Variants in PIEZO2 observed in about 807,000 individuals in gnomAD.
PIEZO2 encodes the protein piezo type mechanosensitive ion channel component 2, also known as piezo-type mechanosensitive ion channel component 2.
In PIEZO2, 172 loss-of-function variants were observed where a neutral mutation model predicts 337.3. That is an observed-to-expected ratio of 0.51 (90% CI 0.45 to 0.58). The LOEUF (loss-of-function observed/expected upper bound fraction) is 0.58, where lower values mean the gene tolerates loss of function less well. Among genes scored for constraint, PIEZO2 ranks in the 20% least tolerant of loss-of-function variants. PIEZO2 has a pLI of 0.00. For synonymous variants in PIEZO2, 1,251 were observed against 1,228.5 expected (o/e 1.02, Z -0.38); for missense variants, 3,028 against 3,391.3 (o/e 0.89, Z 2.66).
intron 3 of PIEZO2, among the ~76,000 whole-genome samples, chr18:10,926,252 G>A (rs897451956): frequency 8.5e-5 from 13 of 152,166 alleles, no homozygotes; most frequent in African/African-American, 2.9e-4. Flanking sequence ...GCAGCTGCTC[G>A]GGATCTCTAC....
At position 10,855,426 on chromosome 18, in the gene PIEZO2, G is replaced by T. The variant is rs1295793985; in HGVS notation, c.844C>A (p.His282Asn). 1 of 1,537,134 alleles carries T rather than the reference G, an allele frequency of 6.5e-7. No homozygotes were observed. The highest frequency in any genetic ancestry group is 8.7e-7 in the Non-Finnish European group (1 of 1,146,854). ...CVLLAIFTAG[H>N]LIGLYLYQFQ... ...TGGTATAAATAAAGTCCAATCAAAT[G>T]TCCAGCAGTGAAAATAGCCAGCAGA... Residue 282 changes from histidine (H) to asparagine (N), a missense_variant, in exon 7 of 56, where the codon CAT becomes AAT. By Grantham distance (68) the His-to-Asn change is moderately conservative (BLOSUM62 1). Around this residue, in one of 5 missense-constraint regions of PIEZO2, gnomAD observed 542 missense variants for 605.6 expected, o/e 0.89. Transcript: ENST00000674853. The surrounding 1 kb of genome is among the most constrained non-coding windows in gnomAD (Gnocchi z 4.9).
chr18:11,081,724 G>T (rs939730435), intron 1 of PIEZO2, among the ~76,000 whole-genome samples: 4 of 151,424 alleles, frequency 2.6e-5, no homozygotes, highest in African/African-American at 9.7e-5. Context: ...TTTCCCACTG[G>T]CCATTTGAAA....
chr18:11,011,625 C>T (rs576587311), intron 2 of PIEZO2, among the ~76,000 whole-genome samples: 44 of 152,120 alleles, frequency 2.9e-4, no homozygotes, highest in Non-Finnish European at 5.4e-4. Context: ...TTACAATGCT[C>T]TTTTATATCT....
intron 4 of PIEZO2, among the ~76,000 whole-genome samples, chr18:10,884,100 C>T (rs908399607): frequency 3.3e-5 from 5 of 152,036 alleles, no homozygotes; most frequent in Non-Finnish European, 4.4e-5. Flanking sequence ...CGTAAGCCAC[C>T]GCAACTGGCC....
chr18:10,956,176 T>C (rs867753687), intron 3 of PIEZO2, among the ~76,000 whole-genome samples: 3 of 152,198 alleles, frequency 2.0e-5, no homozygotes, highest in African/African-American at 7.2e-5. Flanking sequence ...GTCAATAGCC[T>C]AATAATAATA....
intron 15 of PIEZO2, among the ~76,000 whole-genome samples, chr18:10,788,428 AAGGAAGGAAGG>A (rs1438996058): frequency 2.4e-4 from 5 of 21,026 alleles, no homozygotes; most frequent in Non-Finnish European, 3.7e-4. Flanking sequence ...AAAAGAAAGA[AAGGAAGGAAGG>A]AAGGAAGGAA....
intron 39 of PIEZO2, among the ~76,000 whole-genome samples, 168 bp downstream of exon 39, chr18:10,714,596 G>A (rs1302474248): frequency 6.6e-6 from 1 of 152,176 alleles, no homozygotes; most frequent in Non-Finnish European, 1.5e-5. Context: ...TCTAGGTGAG[G>A]ACAATGTTCC....
At chr18:11,030,971 A>G (rs2036714788) in intron 2 of PIEZO2, among the ~76,000 whole-genome samples, 1 of 150,542 alleles carries the variant, frequency 6.6e-6, no homozygotes, top group Non-Finnish European at 1.5e-5. Context: ...CTTCAATGCA[A>G]TGAAGTTGCT....
rs2037200894 is a variant in PIEZO2, at chr18:10,741,065, C to CT, written c.4673dup (p.Gln1559AlafsTer8). The stretch of plus-strand genomic sequence containing the variant: ...GATCAACCCAAGGCCGCCACCACTG[C>CT]TTTTTTTTGCCCTTGGCTTTCTGTT... On this transcript the variant is annotated frameshift_variant, in exon 33 of 56. Coordinates refer to ENST00000674853, the MANE Select transcript of PIEZO2 (RefSeq NM_001378183.1). LOFTEE classifies it high-confidence loss of function. The CT allele has an allele frequency of 7.2e-6, 11 of 1,535,820 alleles. No homozygotes were observed. Among genetic ancestry groups the CT allele is most frequent in the South Asian group, 6.0e-5 (5 of 83,890 alleles).
rs1375686140 is a variant in PIEZO2 at position 11,105,340 on chromosome 18, A to G, written c.65-39118T>C. Among the ~76,000 whole-genome samples the G allele has an allele frequency of 2.0e-5, 3 of 152,204 alleles. No homozygotes were observed. The highest frequency in any genetic ancestry group is 4.4e-5 in the Non-Finnish European group (3 of 68,040). On this transcript the variant is annotated intron_variant, in intron 1 of 55. Transcript: ENST00000674853. This position sits in a 1 kb window ranked among gnomAD's most constrained non-coding sequence, Gnocchi z 4.3. ...ACTTAAAATTCAGACTTACTCCTCTAGACTGTAAACCACACAACTAAACTC... is the reference window on the plus strand; with the variant it reads ...ACTTAAAATTCAGACTTACTCCTCTGGACTGTAAACCACACAACTAAACTC...
chr18:11,035,117 GAGC>G lies in PIEZO2; in HGVS notation c.160+31007_160+31009del, dbSNP rs916787148. 6.6e-6 allele frequency among the ~76,000 whole-genome samples: 1 copy of G among 152,140 alleles called. No individual in the cohort carries two copies. The highest frequency in any genetic ancestry group is 1.5e-5 in the Non-Finnish European group (1 of 68,024). On this transcript the variant is annotated intron_variant, in intron 2 of 55. Coordinates refer to ENST00000674853, the MANE Select transcript of PIEZO2 (RefSeq NM_001378183.1). This position sits in a 1 kb window ranked among gnomAD's most constrained non-coding sequence, Gnocchi z 4.3. ...ATTACAGAGTGTGTAGAAGGGGATG[GAGC>G]TGAGGGCTGCTTCTGACTCCTGAGA...
In PIEZO2 at chr18:10,922,545, C is replaced by T. The variant is rs116711415; in HGVS notation, c.287-11317G>A. Among the ~76,000 whole-genome samples, 1,201 of 152,098 alleles carry T rather than the reference C, an allele frequency of 7.9e-3. 28 individuals are homozygous for T. The highest frequency in any genetic ancestry group is 0.027 in the African/African-American group (1,108 of 41,504). ...GAGGCTGACAACACAGAGGAAAGGA[C>T]GTTTCCAGATTCCTTAGTAGCTGAG... On this transcript the variant is annotated intron_variant, in intron 3 of 55. Coordinates refer to ENST00000674853, the MANE Select transcript of PIEZO2 (RefSeq NM_001378183.1).
chr18:10,752,738 A>G lies in PIEZO2; in HGVS notation c.4065T>C (p.Phe1355=), dbSNP rs2037696134. Residue 1355 remains phenylalanine, a synonymous_variant, in exon 28 of 56, where the codon TTT becomes TTC. Transcript: ENST00000674853. ...TGGGTTTCAACAGCAAATCGCCCCCAAAGAGCAGGAAGTAGAAACAGGCCA... is the reference window on the plus strand; with the variant it reads ...TGGGTTTCAACAGCAAATCGCCCCCGAAGAGCAGGAAGTAGAAACAGGCCA... ...YLVACFYFLL[F]GGDLLLKPIK... 6.5e-7 allele frequency: 1 copy of G among 1,537,250 alleles called. No homozygotes were observed. Among genetic ancestry groups the G allele is most frequent in the East Asian group, 2.4e-5 (1 of 40,922 alleles).
rs968044358 is a variant in PIEZO2 at position 10,952,984 on chromosome 18, C to A, written c.286+26551G>T. Among the ~76,000 whole-genome samples, 2 of 150,906 alleles carry A rather than the reference C, an allele frequency of 1.3e-5. No individual in the cohort carries two copies. Among genetic ancestry groups the A allele is most frequent in the African/African-American group, 4.9e-5 (2 of 41,024 alleles). ...TCTCCGGTTTTTAACTTGCACTTAC[C>A]TAATGACTGTGATGTTAAACATCTT... On this transcript the variant is annotated intron_variant, in intron 3 of 55. Coordinates refer to ENST00000674853, the MANE Select transcript of PIEZO2 (RefSeq NM_001378183.1). This position sits in a 1 kb window ranked among gnomAD's most constrained non-coding sequence, Gnocchi z 4.1.
intron 4 of PIEZO2, among the ~76,000 whole-genome samples, chr18:10,879,063 A>C (rs1446314259): frequency 6.6e-6 from 1 of 152,232 alleles, no homozygotes; most frequent in Non-Finnish European, 1.5e-5. Flanking sequence ...AAGTCAAGAG[A>C]GTAAATTAGA....
chr18:10,892,072 A>C (rs2042773332), intron 4 of PIEZO2, among the ~76,000 whole-genome samples: 1 of 152,158 alleles, frequency 6.6e-6, no homozygotes, highest in Admixed American at 6.5e-5. Flanking sequence ...GTGAAAGAAA[A>C]ATATGATGTC....
intron 2 of PIEZO2, among the ~76,000 whole-genome samples, chr18:11,037,349 G>T (rs979302766): frequency 1.3e-5 from 2 of 152,162 alleles, no homozygotes; most frequent in African/African-American, 2.4e-5. Context: ...GAGGAGAGAA[G>T]AAACAGAAAT....
intron 2 of PIEZO2, among the ~76,000 whole-genome samples, chr18:11,013,380 C>T (rs1030862675): frequency 6.6e-6 from 1 of 152,126 alleles, no homozygotes; most frequent in African/African-American, 2.4e-5. Context: ...AGAAGTCCAG[C>T]CCTTGACTTT....
In PIEZO2 at chr18:11,032,001, A is replaced by C. The variant is rs1479481212; in HGVS notation, c.160+34126T>G. On this transcript the variant is annotated intron_variant, in intron 2 of 55. Coordinates refer to ENST00000674853, the MANE Select transcript of PIEZO2 (RefSeq NM_001378183.1). The surrounding 1 kb of genome is among the most constrained non-coding windows in gnomAD (Gnocchi z 4.9). ...CTCTCTCTCACACACATACGCATAC[A>C]CACAGATATTTACTGCTGATTCCAA... 6.6e-6 allele frequency among the ~76,000 whole-genome samples: 1 copy of C among 152,140 alleles called. No individual in the cohort carries two copies. Among genetic ancestry groups the C allele is most frequent in the African/African-American group, 2.4e-5 (1 of 41,412 alleles).
Sources: gnomAD v4.1 joint callset for allele counts (sites outside exome capture counted in the v4.1 genomes callset) on GRCh38, gnomAD v4.1.1 for gene constraint, gnomAD v4.1.1 regional missense constraint, Gnocchi (gnomAD v3.1) non-coding constraint, MANE v1.5 for transcripts, NCBI Gene and HGNC (gene_info 2026-07-23, HGNC 2026-07-21) for gene names.